The following FAM110B variants were observed in gnomAD, a reference collection of about 807,000 sequenced individuals.
FAM110B encodes protein FAM110B.
FAM110B carries 6 observed loss-of-function variants against 20.4 expected under a neutral mutation model. The observed-to-expected ratio is 0.29, with a 90% CI of 0.16 to 0.58. The LOEUF (loss-of-function observed/expected upper bound fraction) is 0.58, where lower values mean the gene tolerates loss of function less well. Ranked by LOEUF, FAM110B falls within the 20% of genes least tolerant of loss-of-function variation. The pLI is 0.90. For synonymous variants in FAM110B, 226 were observed against 214.1 expected (o/e 1.06, Z -0.49); for missense variants, 434 against 498.2 (o/e 0.87, Z 1.23).
intron 1 of FAM110B, among the ~76,000 whole-genome samples, chr8:58,000,315 G>C (rs1022845901): frequency 2.0e-5 from 3 of 152,144 alleles, no homozygotes; most frequent in Non-Finnish European, 1.5e-5. Context: ...ATGGATGGTA[G>C]ATTATTGTCT....
intron 3 of FAM110B, among the ~76,000 whole-genome samples, chr8:58,105,556 A>ATTTTTTTTTTTTTTTTT (rs71557704): frequency 2.1e-5 from 2 of 94,600 alleles, no homozygotes; most frequent in Non-Finnish European, 2.0e-5. Flanking sequence ...GAATGAATGA[A>ATTTTTTTTTTTTTTTTT]TTTTTTTTTT....
At chr8:58,096,937 G>T (rs549522174) in intron 3 of FAM110B, among the ~76,000 whole-genome samples, 154 of 152,286 alleles carry the variant, frequency 1.0e-3, no homozygotes, top group African/African-American at 3.6e-3. Flanking sequence ...GCTTCCCTTT[G>T]TGGGTAACCC....
chr8:58,052,434 A>G (rs1032972412), intron 2 of FAM110B, among the ~76,000 whole-genome samples: 1 of 152,212 alleles, frequency 6.6e-6, no homozygotes, highest in African/African-American at 2.4e-5. Flanking sequence ...ATAATTATTT[A>G]TTGATAACTT....
chr8:58,131,224 T>C (rs936360023), intron 3 of FAM110B, among the ~76,000 whole-genome samples: 1 of 152,196 alleles, frequency 6.6e-6, no homozygotes, highest in Non-Finnish European at 1.5e-5. Context: ...GTAAAGTCTT[T>C]CCTGTATCAA....
chr8:58,114,462 G>C (rs988889274), intron 3 of FAM110B, among the ~76,000 whole-genome samples: 1 of 152,182 alleles, frequency 6.6e-6, no homozygotes, highest in Non-Finnish European at 1.5e-5. Flanking sequence ...GTCTCAGCCA[G>C]CCTCATGCTG....
At chr8:58,079,285 G>A (rs7827075) in intron 3 of FAM110B, among the ~76,000 whole-genome samples, 16,890 of 152,122 alleles carry the variant, frequency 0.11, 3,112 homozygotes, top group African/African-American at 0.38. Flanking sequence ...AAGAGGAGGA[G>A]GAAAGGGCAT....
intron 3 of FAM110B, among the ~76,000 whole-genome samples, chr8:58,109,749 A>G (rs1488159446): frequency 6.6e-6 from 1 of 152,200 alleles, no homozygotes. Flanking sequence ...GTGACATCGG[A>G]AACACGAAAG....
intron 1 of FAM110B, among the ~76,000 whole-genome samples, chr8:58,027,981 G>A (rs1804885419): frequency 6.6e-6 from 1 of 152,078 alleles, no homozygotes; most frequent in South Asian, 2.1e-4. Context: ...AGCATTGCTG[G>A]GTCATATCGT....
intron 2 of FAM110B, among the ~76,000 whole-genome samples, chr8:58,043,470 T>A (rs1000403550): frequency 7.9e-5 from 12 of 151,322 alleles, no homozygotes; most frequent in South Asian, 6.2e-4. Context: ...ATAACTTTTT[T>A]TATATATATT....
At position 58,074,044 on chromosome 8, in the gene FAM110B, T is replaced by C. The variant is rs150470321; in HGVS notation, c.-413-1491T>C. Among the ~76,000 whole-genome samples, 875 of 152,226 alleles carry C rather than the reference T, an allele frequency of 5.7e-3. 9 individuals are homozygous for C. The highest frequency in any genetic ancestry group is 0.019 in the African/African-American group (801 of 41,528). Reference sequence around the variant, plus strand: ...CTGTCATGTGTTACCCTAGCCTGGCTTCCACACTTACTTTTTCAAACCCTG... The same window carrying C: ...CTGTCATGTGTTACCCTAGCCTGGCCTCCACACTTACTTTTTCAAACCCTG... On this transcript the variant is annotated intron_variant, in intron 2 of 3. Coordinates refer to ENST00000519262, the MANE Select transcript of FAM110B (RefSeq NM_001377989.1).
chr8:58,068,840 C>T (rs1470541395), intron 2 of FAM110B, among the ~76,000 whole-genome samples: 6 of 152,144 alleles, frequency 3.9e-5, no homozygotes, highest in Non-Finnish European at 8.8e-5. Flanking sequence ...GACTGGCTGA[C>T]TTCTCTCCCT....
chr8:58,052,110 C>T (rs956662633), intron 2 of FAM110B, among the ~76,000 whole-genome samples: 4 of 152,154 alleles, frequency 2.6e-5, no homozygotes, highest in African/African-American at 9.7e-5. Flanking sequence ...AAAATCAAAA[C>T]ATGGGAATCA....
At chr8:58,035,558 C>T (rs1322349452) in intron 2 of FAM110B, among the ~76,000 whole-genome samples, 1 of 152,142 alleles carries the variant, frequency 6.6e-6, no homozygotes, top group African/African-American at 2.4e-5. Flanking sequence ...TGTGTCTGAG[C>T]CCTCCTGGCC....
At chr8:58,009,738 C>A (rs562030796) in intron 1 of FAM110B, among the ~76,000 whole-genome samples, 1 of 152,190 alleles carries the variant, frequency 6.6e-6, no homozygotes, top group Non-Finnish European at 1.5e-5. Context: ...GCTCCATCTC[C>A]TTGGCAGCAT....
intron 3 of FAM110B, among the ~76,000 whole-genome samples, chr8:58,079,574 C>T (rs1585867772): frequency 6.6e-6 from 1 of 151,992 alleles, no homozygotes; most frequent in East Asian, 1.9e-4. Context: ...ACCAGGAGGT[C>T]AAGACCAGCC....
At position 58,040,405 on chromosome 8, in the gene FAM110B, G is replaced by A. The variant is rs577666849; in HGVS notation, c.-414+8702G>A. 1.6e-4 allele frequency among the ~76,000 whole-genome samples: 25 copies of A among 152,186 alleles called. No homozygotes were observed. The East Asian group carries it at 2.3e-3, about 14-fold the overall frequency. ...TGAGCATGTGCCATATGCGCATGGC[G>A]GCTGCTCTCCCAGGCGTTGGCTTGT... On this transcript the variant is annotated intron_variant, in intron 2 of 3. Transcript: ENST00000519262.
At chr8:58,043,424 A>G (rs1805258551) in intron 2 of FAM110B, 1 of 151,410 alleles carries the variant, frequency 6.6e-6, no homozygotes, top group Non-Finnish European at 1.5e-5. Context: ...AAGAGCCTTC[A>G]TTTTCTTTTT....
intron 2 of FAM110B, among the ~76,000 whole-genome samples, chr8:58,064,041 CA>C (rs1805712539): frequency 6.6e-6 from 1 of 152,108 alleles, no homozygotes; most frequent in African/African-American, 2.4e-5. Flanking sequence ...ATGGCTGGTG[CA>C]GGAAGAAGAG....
intron 2 of FAM110B, among the ~76,000 whole-genome samples, chr8:58,074,952 T>C (rs1741932888): frequency 6.6e-6 from 1 of 152,228 alleles, no homozygotes; most frequent in Non-Finnish European, 1.5e-5. Context: ...TATTCTTCTT[T>C]CTGCATAATT....
Sources: gnomAD v4.1 joint callset for allele counts (sites outside exome capture counted in the v4.1 genomes callset) on GRCh38, gnomAD v4.1.1 for gene constraint, MANE v1.5 for transcripts, NCBI Gene and HGNC (gene_info 2026-07-23, HGNC 2026-07-21) for gene names.